The following NRG1 variants were observed in gnomAD, a reference collection of about 807,000 sequenced individuals.
The protein encoded by NRG1 is neuregulin 1, also known as pro-neuregulin-1, membrane-bound isoform.
A neutral mutation model predicts 63.8 loss-of-function variants in NRG1; 18 were observed. The observed-to-expected ratio is 0.28, with a 90% CI of 0.19 to 0.42. The LOEUF (loss-of-function observed/expected upper bound fraction) is 0.42. Among genes scored for constraint, NRG1 ranks in the 10% least tolerant of loss-of-function variants. The pLI, the probability that NRG1 is intolerant of heterozygous loss-of-function variation, is 1.00. For synonymous variants in NRG1, 302 were observed against 301.3 expected, an observed-to-expected ratio of 1.00 and a Z score of -0.02; for missense variants, 762 against 814.7, an observed-to-expected ratio of 0.94 and a Z score of 0.79.
rs147089101 is a variant in NRG1 at position 32,321,195 on chromosome 8, C to G, written c.38-274633C>G. ...TATACCTCGATTGGTTGAGTTCCAT[C>G]CACTAGTCAATTTCAAAATTACCTC... On this transcript the variant is annotated intron_variant, in intron 1 of 10. Transcript: ENST00000519301. 1.2e-3 allele frequency among the ~76,000 whole-genome samples: 185 copies of G among 152,168 alleles called. 1 individual carries two copies. The highest frequency in any genetic ancestry group is 4.4e-3 in the African/African-American group (182 of 41,556).
At chr8:31,840,101 G>T (rs1270998728) in intron 1 of NRG1, among the ~76,000 whole-genome samples, 2 of 152,180 alleles carry the variant, frequency 1.3e-5, no homozygotes, top group East Asian at 3.9e-4. Flanking sequence ...AAGGACAAAT[G>T]ACTGTACAAA....
intron 1 of NRG1, among the ~76,000 whole-genome samples, chr8:31,764,589 ATAATC>A (rs759034863): frequency 4.7e-4 from 72 of 152,336 alleles, no homozygotes; most frequent in Non-Finnish European, 8.2e-4. Context: ...GAATTTTAGA[ATAATC>A]TATATATACA....
At chr8:32,391,465 A>T (rs535532025) in intron 1 of NRG1, among the ~76,000 whole-genome samples, 20 of 152,248 alleles carry the variant, frequency 1.3e-4, no homozygotes, top group Admixed American at 1.2e-3. Flanking sequence ...TCACTCAGGT[A>T]CTAAGCCCAG....
intron 1 of NRG1, among the ~76,000 whole-genome samples, chr8:32,214,151 G>A (rs978380146): frequency 6.6e-6 from 1 of 152,066 alleles, no homozygotes; most frequent in Non-Finnish European, 1.5e-5. Context: ...TTGCAAATTT[G>A]TGTCCTGCTT....
In NRG1 at chr8:32,756,442, C is replaced by T. The variant is rs754168485; in HGVS notation, c.834C>T (p.Ser278=). The T allele has an allele frequency of 3.7e-6, 6 of 1,613,786 alleles. No individual in the cohort carries two copies. In the South Asian group the frequency reaches 5.5e-5, roughly 15 times the overall value. ...AGCTGCATGACCGTCTTCGGCAGAGCCTTCGGTCTGAACGAAACAATATGA... is the reference window on the plus strand; with the variant it reads ...AGCTGCATGACCGTCTTCGGCAGAGTCTTCGGTCTGAACGAAACAATATGA... The change falls in exon 9 of 12, where the codon AGC becomes AGT. Residue 278 remains serine (S), a synonymous_variant. Transcript: ENST00000356819.
At chr8:32,507,428 T>C (rs1828666359) in intron 1 of NRG1, among the ~76,000 whole-genome samples, 1 of 152,228 alleles carries the variant, frequency 6.6e-6, no homozygotes, top group African/African-American at 2.4e-5. Context: ...ACAGTTTAGT[T>C]GCCTCTTCTT....
At chr8:32,728,659 T>C in intron 6 of NRG1, 1 of 984,806 alleles carries the variant, frequency 1.0e-6, no homozygotes. Flanking sequence ...TGGAAATACA[T>C]TGTATGTAGC....
intron 1 of NRG1, among the ~76,000 whole-genome samples, chr8:32,466,931 T>A (rs1006902999): frequency 6.6e-6 from 1 of 152,090 alleles, no homozygotes; most frequent in Non-Finnish European, 1.5e-5. Context: ...GCAGTAATAA[T>A]ATTATCATTC....
chr8:31,956,461 T>A (rs1240636148), intron 1 of NRG1, among the ~76,000 whole-genome samples: 1 of 150,894 alleles, frequency 6.6e-6, no homozygotes, highest in Non-Finnish European at 1.5e-5. Flanking sequence ...ACTAAAAAAA[T>A]ACAAAAAAAT....
intron 1 of NRG1, among the ~76,000 whole-genome samples, chr8:31,840,677 G>C (rs1826116778): frequency 6.6e-6 from 1 of 152,098 alleles, no homozygotes. Context: ...ACGCACTCAT[G>C]CTCAGAAATA....
chr8:32,174,758 T>C (rs1840498827), intron 1 of NRG1, among the ~76,000 whole-genome samples: 2 of 152,096 alleles, frequency 1.3e-5, no homozygotes, highest in African/African-American at 4.8e-5. Context: ...CCTCGACACA[T>C]ACACCCTCCC....
At chr8:31,937,613 G>A (rs558075931) in intron 1 of NRG1, among the ~76,000 whole-genome samples, 10 of 152,234 alleles carry the variant, frequency 6.6e-5, no homozygotes, top group Non-Finnish European at 1.2e-4. Context: ...TCATGGTATG[G>A]GGCAATTTCT....
chr8:32,264,139 A>G (rs1850667185), intron 1 of NRG1, among the ~76,000 whole-genome samples: 1 of 152,182 alleles, frequency 6.6e-6, no homozygotes, highest in Non-Finnish European at 1.5e-5. Context: ...TTCTTTATTA[A>G]TTACCACTTT....
chr8:31,796,358 C>A (rs868033895), intron 1 of NRG1, among the ~76,000 whole-genome samples: 2 of 135,170 alleles, frequency 1.5e-5, no homozygotes, highest in African/African-American at 2.8e-5. Context: ...AACAAAGCGG[C>A]GGGGAGTTTT....
intron 5 of NRG1, among the ~76,000 whole-genome samples, chr8:32,618,021 A>G (rs1847689523): frequency 6.6e-6 from 1 of 152,188 alleles, no homozygotes; most frequent in Non-Finnish European, 1.5e-5. Flanking sequence ...ATCAAACAGG[A>G]AATGAAATGC....
At chr8:32,743,912 A>G (rs1197039091) in intron 7 of NRG1, among the ~76,000 whole-genome samples, 2 of 152,070 alleles carry the variant, frequency 1.3e-5, no homozygotes, top group African/African-American at 4.8e-5. Flanking sequence ...CAAACCTACT[A>G]TTGTAGCATG....
At chr8:32,102,578 G>A (rs939817079) in intron 1 of NRG1, among the ~76,000 whole-genome samples, 5 of 152,154 alleles carry the variant, frequency 3.3e-5, no homozygotes, top group Admixed American at 2.0e-4. Flanking sequence ...TACAAATTGT[G>A]CCAAGTGCCA....
In NRG1 at chr8:31,796,414, C is replaced by CTTT. The variant is rs1158508289; in HGVS notation, c.37+157017_37+157019dup. Among the ~76,000 whole-genome samples the CTTT allele has an allele frequency of 9.4e-3, 409 of 43,376 alleles. 139 individuals are homozygous for CTTT. The highest frequency in any genetic ancestry group is 0.013 in the Non-Finnish European group (310 of 24,460). 28.5% of individuals were successfully genotyped at this position (43,376 alleles called of 152,430 possible). The stretch of plus-strand genomic sequence containing the variant: ...ATAACCAAATAAGATGGCGTATAAT[C>CTTT]TTTTTTTTTTTTTTTTTTTTTTTTT... On this transcript the variant is annotated intron_variant, in intron 1 of 10. Coordinates refer to the NRG1 transcript ENST00000519301.
intron 5 of NRG1, among the ~76,000 whole-genome samples, chr8:32,681,753 C>T (rs1302909935): frequency 6.6e-6 from 1 of 152,136 alleles, no homozygotes; most frequent in African/African-American, 2.4e-5. Flanking sequence ...TTACAGGAAA[C>T]TGTCTGCAAA....
Sources: allele counts gnomAD v4.1 joint callset (sites outside exome capture counted in the v4.1 genomes callset), GRCh38; gene constraint gnomAD v4.1.1; transcripts MANE v1.5; gene names NCBI Gene and HGNC (gene_info 2026-07-23, HGNC 2026-07-21).